The following HYDIN variants were observed in gnomAD, a reference collection of about 807,000 sequenced individuals.
The protein encoded by HYDIN is axonemal central pair apparatus protein HYDIN.
In HYDIN, 132 loss-of-function variants were observed where a neutral mutation model predicts 403.9. The observed-to-expected ratio is 0.33, with a 90% CI of 0.28 to 0.38. The LOEUF (loss-of-function observed/expected upper bound fraction) is 0.38, where lower values mean the gene tolerates loss of function less well. Among genes scored for constraint, HYDIN ranks in the 10% least tolerant of loss-of-function variants. The probability of loss-of-function intolerance (pLI) is 1.00; values close to 1 mark genes in which losing one functional copy is unlikely to be tolerated. For missense variants in HYDIN, 2,827 were observed against 5,009.5 expected (o/e 0.56, Z 13.15); for synonymous variants, 1,202 against 1,891.7 (o/e 0.64, Z 9.46).
chr16:70,806,024 T>G lies in HYDIN; in HGVS notation c.*1556A>C, dbSNP rs1159313572. ...CACAACCTACTTGATAGTCACTGAGTAGATGACTTGGGGTTAGCAGGTCAA... is the reference window on the plus strand; with the variant it reads ...CACAACCTACTTGATAGTCACTGAGGAGATGACTTGGGGTTAGCAGGTCAA... On this transcript the variant is annotated 3_prime_UTR_variant, in exon 86 of 86. Transcript: ENST00000393567. Among the ~76,000 whole-genome samples, 1 of 152,148 alleles carries G rather than the reference T, an allele frequency of 6.6e-6. No individual in the cohort carries two copies. The highest frequency in any genetic ancestry group is 1.5e-5 in the Non-Finnish European group (1 of 68,020).
At chr16:71,156,957 T>C (rs1238522339) in intron 6 of HYDIN, among the ~76,000 whole-genome samples, 1 of 151,242 alleles carries the variant, frequency 6.6e-6, no homozygotes, top group Non-Finnish European at 1.5e-5. Context: ...TGTAAAATTA[T>C]TATGCTTATT....
chr16:71,056,355 CTT>C (rs1405682792), intron 18 of HYDIN, among the ~76,000 whole-genome samples: 1 of 152,092 alleles, frequency 6.6e-6, no homozygotes, highest in Non-Finnish European at 1.5e-5. Context: ...AAAATATAAT[CTT>C]CACTGTTTCT....
chr16:70,892,334 C>T (rs2041517009), intron 56 of HYDIN, 27 bp downstream of exon 56: 2 of 1,563,590 alleles, frequency 1.3e-6, no homozygotes, highest in South Asian at 1.2e-5. Flanking sequence ...GCCATTGAGG[C>T]AGCCCCTCCC....
chr16:70,866,684 A>T (rs2039770184), intron 66 of HYDIN, among the ~76,000 whole-genome samples: 1 of 151,542 alleles, frequency 6.6e-6, no homozygotes, highest in South Asian at 2.1e-4. Context: ...TAATACATAT[A>T]AAAGAAGGGA....
chr16:70,830,448 T>A (rs1403503150), intron 80 of HYDIN, among the ~76,000 whole-genome samples: 2 of 123,622 alleles, frequency 1.6e-5, no homozygotes, highest in African/African-American at 7.9e-5. Flanking sequence ...TGGTAGACAC[T>A]TTTTTTTTTT....
intron 23 of HYDIN, among the ~76,000 whole-genome samples, chr16:71,000,575 T>C (rs560250699): frequency 6.6e-6 from 1 of 151,946 alleles, no homozygotes; most frequent in East Asian, 1.9e-4. Flanking sequence ...AAGTTAAATA[T>C]AAAGAGAGCT....
intron 18 of HYDIN, among the ~76,000 whole-genome samples, chr16:71,056,617 G>A (rs1184624023): frequency 1.3e-5 from 2 of 152,210 alleles, no homozygotes; most frequent in Non-Finnish European, 2.9e-5. Context: ...GTGACAGATG[G>A]CTGACGGTGA....
intron 18 of HYDIN, among the ~76,000 whole-genome samples, chr16:71,048,979 G>A (rs1321632789): frequency 6.6e-6 from 1 of 152,210 alleles, no homozygotes; most frequent in African/African-American, 2.4e-5. Flanking sequence ...GTAGTTAAGA[G>A]GGCTGACTAT....
intron 10 of HYDIN, among the ~76,000 whole-genome samples, chr16:71,115,022 T>C (rs374870822): frequency 2.7e-5 from 4 of 149,812 alleles, no homozygotes; most frequent in South Asian, 2.2e-4. Context: ...AAAAAGGAGA[T>C]TGTGGGAATT....
intron 13 of HYDIN, among the ~76,000 whole-genome samples, chr16:71,077,914 T>A (rs984013750): frequency 1.3e-5 from 2 of 151,970 alleles, no homozygotes; most frequent in African/African-American, 4.8e-5. Context: ...TATGAATGAG[T>A]GTTGGATTCT....
chr16:70,874,874 C>T lies in HYDIN; in HGVS notation c.10603G>A (p.Gly3535Arg), dbSNP rs772936883. 1.9e-6 allele frequency: 3 copies of T among 1,612,564 alleles called. No homozygotes were observed. Among genetic ancestry groups the T allele is most frequent in the East Asian group, 4.5e-5 (2 of 44,774 alleles). Reference sequence around the variant, plus strand: ...TAGATATACGCGGTGGTGGGCCTCCCTTTCAGGGAGAAGACTCCTAGCTCA... The same window carrying T: ...TAGATATACGCGGTGGTGGGCCTCCTTTTCAGGGAGAAGACTCCTAGCTCA... ...QDELGVFSLK[G>R]RPTTAYIYIT... The change falls in exon 63 of 86, where the codon GGG becomes AGG. Residue 3535 changes from glycine to arginine, a missense_variant. Coordinates refer to ENST00000393567, the MANE Select transcript of HYDIN (RefSeq NM_001270974.2).
chr16:70,993,670 A>ATTC (rs1381508276), intron 23 of HYDIN, among the ~76,000 whole-genome samples: 21 of 149,304 alleles, frequency 1.4e-4, no homozygotes, highest in Non-Finnish European at 2.4e-4. Flanking sequence ...ATATGTTTTC[A>ATTC]TTCTTCTTGG....
chr16:71,073,752 C>T (rs1246761199), intron 13 of HYDIN, among the ~76,000 whole-genome samples: 1 of 152,208 alleles, frequency 6.6e-6, no homozygotes, highest in East Asian at 1.9e-4. Flanking sequence ...CCAGTTGTTA[C>T]TTGGTCCATT....
intron 55 of HYDIN, among the ~76,000 whole-genome samples, chr16:70,893,144 A>G (rs1226389264): frequency 1.3e-5 from 2 of 152,188 alleles, no homozygotes; most frequent in Admixed American, 1.3e-4. Context: ...CTGCCCAATT[A>G]CCTGCACCCC....
At chr16:70,893,057 C>T (rs2143724204) in intron 55 of HYDIN, among the ~76,000 whole-genome samples, 1 of 152,264 alleles carries the variant, frequency 6.6e-6, no homozygotes, top group Non-Finnish European at 1.5e-5. Context: ...CAAGATGTAT[C>T]CCACCTAGGC....
intron 45 of HYDIN, among the ~76,000 whole-genome samples, chr16:70,921,720 T>C (rs1271979606): frequency 6.6e-6 from 1 of 152,184 alleles, no homozygotes; most frequent in Non-Finnish European, 1.5e-5. Flanking sequence ...AGATTAAATG[T>C]GTGAATGCAT....
At chr16:71,058,822 C>T (rs1474612513) in intron 18 of HYDIN, among the ~76,000 whole-genome samples, 5 of 151,890 alleles carry the variant, frequency 3.3e-5, no homozygotes, top group South Asian at 4.2e-4. Flanking sequence ...CCTCTGCCAC[C>T]GATGGGACAG....
intron 18 of HYDIN, among the ~76,000 whole-genome samples, chr16:71,047,057 T>G (rs1329833191): frequency 6.6e-6 from 1 of 152,128 alleles, no homozygotes; most frequent in East Asian, 1.9e-4. Flanking sequence ...TAATGATAGG[T>G]GCTAGCTGTA....
intron 1 of HYDIN, among the ~76,000 whole-genome samples, chr16:71,194,967 A>G (rs1190726219): frequency 6.6e-6 from 1 of 152,234 alleles, no homozygotes; most frequent in South Asian, 2.1e-4. Context: ...AGACGATGGG[A>G]GAAGCTACAG....
Sources: gnomAD v4.1 joint callset for allele counts (sites outside exome capture counted in the v4.1 genomes callset) on GRCh38, gnomAD v4.1.1 for gene constraint, MANE v1.5 for transcripts, NCBI Gene and HGNC (gene_info 2026-07-23, HGNC 2026-07-21) for gene names.